The following LIMK2 variants were observed in gnomAD, a reference collection of about 807,000 sequenced individuals.
The protein encoded by LIMK2 is LIM domain kinase 2.
A neutral mutation model predicts 75.7 loss-of-function variants in LIMK2; 35 were observed. The ratio of observed to expected loss-of-function variants is 0.46; its 90% confidence interval spans 0.35 to 0.61. The LOEUF (loss-of-function observed/expected upper bound fraction) is 0.61, where lower values mean the gene tolerates loss of function less well. LIMK2 is among the 20% of genes least tolerant of loss of function. LIMK2 has a pLI of 0.00. For missense variants in LIMK2, 623 were observed against 831.0 expected (o/e 0.75, Z 3.08); for synonymous variants, 301 against 319.2 (o/e 0.94, Z 0.61).
intron 1 of LIMK2, among the ~76,000 whole-genome samples, chr22:31,221,009 C>G (rs919904973): frequency 6.6e-6 from 1 of 151,858 alleles, no homozygotes; most frequent in African/African-American, 2.4e-5. Flanking sequence ...GATAGAGAAG[C>G]TTATACATAG....
At position 31,258,434 on chromosome 22, in the gene LIMK2, A is replaced by G. The variant is rs1290892967; in HGVS notation, c.252+8A>G. 6.2e-6 allele frequency: 10 copies of G among 1,613,928 alleles called. No individual in the cohort carries two copies. Among genetic ancestry groups the G allele is most frequent in the Non-Finnish European group, 8.5e-6 (10 of 1,179,888 alleles). Reference sequence around the variant, plus strand: ...ATGACAGGGCCTTTTATGGTGAGTGAATCCCTTCATATCTGCCCCTCTTGG... The same window carrying G: ...ATGACAGGGCCTTTTATGGTGAGTGGATCCCTTCATATCTGCCCCTCTTGG... On this transcript the variant is annotated splice_region_variant and intron_variant, in intron 3 of 15. Transcript: ENST00000331728.
At chr22:31,224,077 A>T (rs754600272) in intron 1 of LIMK2, among the ~76,000 whole-genome samples, 1 of 152,132 alleles carries the variant, frequency 6.6e-6, no homozygotes, top group Non-Finnish European at 1.5e-5. Context: ...AGAGAGAACA[A>T]AGCTGCATAC....
chr22:31,263,280 A>C (rs2048859433), intron 7 of LIMK2, among the ~76,000 whole-genome samples: 1 of 152,216 alleles, frequency 6.6e-6, no homozygotes, highest in African/African-American at 2.4e-5. Context: ...AGCCCCAAGT[A>C]GGGAGACTTA....
rs2048525096 is a variant in LIMK2 at position 31,231,186 on chromosome 22, G to A, written c.116+5367G>A. On this transcript the variant is annotated intron_variant, in intron 2 of 15. Coordinates refer to ENST00000331728, the MANE Select transcript of LIMK2 (RefSeq NM_005569.4). ...TCAGTTTCCTCTTATATAATATGGG[G>A]TAAAGAGCCCTCACCCTGCCTGCCA... Among the ~76,000 whole-genome samples, 4 of 152,154 alleles carry A rather than the reference G, an allele frequency of 2.6e-5. No homozygotes were observed. In the South Asian group the frequency reaches 8.3e-4, roughly 31 times the overall value.
rs746806038 is a variant in LIMK2, at chr22:31,260,076, G to C, written c.550G>C (p.Glu184Gln). 1 of 1,567,676 alleles carries C rather than the reference G, an allele frequency of 6.4e-7. No homozygotes were observed. Among genetic ancestry groups the C allele is most frequent in the South Asian group, 1.2e-5 (1 of 85,562 alleles). Residue 184 changes from glutamate (E) to glutamine (Q), a missense_variant and splice_region_variant, in exon 5 of 16, where the codon GAG becomes CAG. Transcript: ENST00000331728. ...CTACGCCACCACTGTGCAAGTGAAAGAGTAAGTATTTTGAGAACCCTTCAG... is the reference window on the plus strand; with the variant it reads ...CTACGCCACCACTGTGCAAGTGAAACAGTAAGTATTTTGAGAACCCTTCAG... ...SNYATTVQVK[E>Q]VNRMHISPNN...
At chr22:31,272,778 A>G (rs1346458276) in intron 13 of LIMK2, 74 bp downstream of exon 13, 5 of 1,500,438 alleles carry the variant, frequency 3.3e-6, no homozygotes, top group Non-Finnish European at 4.5e-6. Flanking sequence ...AGCCCTGGGA[A>G]TTCCAGGGGA....
Position 31,240,396 on chromosome 22 carries a change from T to C in LIMK2, c.116+14577T>C, listed in dbSNP as rs182504784. On this transcript the variant is annotated intron_variant, in intron 2 of 15. Transcript: ENST00000331728. ...TTTGTTTTAGTTCCAGAGATAGCAC[T>C]TTCATGGAATGACGCTATCTTCTAG... is the stretch of plus-strand genomic sequence containing the variant. Among the ~76,000 whole-genome samples, 20 of 152,216 alleles carry C rather than the reference T, an allele frequency of 1.3e-4. No individual in the cohort carries two copies. In the East Asian group the frequency reaches 3.7e-3, roughly 28 times the overall value.
intron 2 of LIMK2, among the ~76,000 whole-genome samples, chr22:31,241,641 A>C (rs1465854666): frequency 6.6e-6 from 1 of 152,170 alleles, no homozygotes; most frequent in Non-Finnish European, 1.5e-5. Context: ...TCACCAGATC[A>C]AACTACGTGA....
intron 7 of LIMK2, among the ~76,000 whole-genome samples, chr22:31,265,741 A>C (rs1481717892): frequency 6.6e-6 from 1 of 152,126 alleles, no homozygotes; most frequent in African/African-American, 2.4e-5. Context: ...CCCATTTTGA[A>C]TGTGTTTTTA....
At chr22:31,276,699 A>T (rs1486802310) in intron 15 of LIMK2, 1 of 1,224,778 alleles carries the variant, frequency 8.2e-7, no homozygotes. Flanking sequence ...CGTGGCGGAC[A>T]GCGGCACCGC....
chr22:31,259,031 G>A (rs2048811875), intron 3 of LIMK2, 90 bp from the exon 4 acceptor site: 1 of 728,698 alleles, frequency 1.4e-6, no homozygotes, highest in South Asian at 1.6e-5. Flanking sequence ...TTGCTTGGAG[G>A]TCATTCACCC....
chr22:31,262,122 T>C lies in LIMK2; in HGVS notation c.552-12T>C. 6.2e-7 allele frequency: 1 copy of C among 1,610,364 alleles called. No individual in the cohort carries two copies. The highest frequency in any genetic ancestry group is 8.5e-7 in the Non-Finnish European group (1 of 1,176,604). On this transcript the variant is annotated splice_polypyrimidine_tract_variant and intron_variant, in intron 5 of 15. Transcript: ENST00000331728. The surrounding 1 kb of genome is among the most constrained non-coding windows in gnomAD (Gnocchi z 5.0). Reference sequence around the variant, plus strand: ...GACATCTTTACCCTGCCTCAACTCTTGTCTGGCCCAGGGTCAACCGGATGC... The same window carrying C: ...GACATCTTTACCCTGCCTCAACTCTCGTCTGGCCCAGGGTCAACCGGATGC...
At chr22:31,224,886 G>A (rs557609701) in intron 1 of LIMK2, among the ~76,000 whole-genome samples, 13 of 152,342 alleles carry the variant, frequency 8.5e-5, no homozygotes, top group African/African-American at 2.2e-4. Flanking sequence ...CAACTGGTAC[G>A]GGTCTGTAGC....
chr22:31,229,651 C>G (rs1012490320), intron 2 of LIMK2, among the ~76,000 whole-genome samples: 1 of 152,172 alleles, frequency 6.6e-6, no homozygotes, highest in Non-Finnish European at 1.5e-5. Context: ...TTTCTTCTCC[C>G]CTTCCCCCAG....
intron 1 of LIMK2, among the ~76,000 whole-genome samples, chr22:31,221,411 T>A (rs1030557234): frequency 3.9e-5 from 6 of 152,046 alleles, no homozygotes; most frequent in African/African-American, 1.5e-4. Flanking sequence ...AGGAATACTT[T>A]GGCCGCCCGC....
intron 2 of LIMK2, among the ~76,000 whole-genome samples, chr22:31,257,266 A>G (rs1213944467): frequency 6.6e-6 from 1 of 151,772 alleles, no homozygotes; most frequent in Non-Finnish European, 1.5e-5. Context: ...TTTTATTTTG[A>G]AAAAAAATTC....
chr22:31,217,478 G>T (rs907481276), intron 1 of LIMK2, among the ~76,000 whole-genome samples: 3 of 152,088 alleles, frequency 2.0e-5, no homozygotes, highest in Admixed American at 1.3e-4. Context: ...GAGTATTTCA[G>T]TTTCCTCTTC....
chr22:31,258,499 C>T lies in LIMK2; in HGVS notation c.252+73C>T, dbSNP rs577224131. 395 of 1,494,650 alleles carry T rather than the reference C, an allele frequency of 2.6e-4. 2 individuals carry two copies. In the South Asian group the frequency reaches 4.0e-3, roughly 15 times the overall value. The allele number at this position is 1,494,650 out of a possible 1,614,324, so 92.6% of individuals were successfully genotyped here. A position where few individuals can be genotyped will look rare whatever the true frequency, so the allele number is the denominator to read the frequency against. ...TGACAGTGCTTCCAGTTCCCTGTGGCCTGTTAATCTTTTAGTCTTTCCATC... is the reference window on the plus strand; with the variant it reads ...TGACAGTGCTTCCAGTTCCCTGTGGTCTGTTAATCTTTTAGTCTTTCCATC... On this transcript the variant is annotated intron_variant, in intron 3 of 15. Coordinates refer to ENST00000331728, the MANE Select transcript of LIMK2 (RefSeq NM_005569.4).
rs116294833 is a variant in LIMK2 at position 31,259,903 on chromosome 22, A to G, written c.377A>G (p.Asn126Ser). Reference protein sequence around the residue: ...HATLYCGKCHNEVVLAPMFER... With the variant: ...HATLYCGKCHSEVVLAPMFER... ...CCTCTCCCCAGTGGGAAGTGCCACA[A>G]TGAGGTGGTGCTGGCACCCATGTTT... Residue 126 changes from asparagine to serine, a missense_variant, in exon 5 of 16, where the codon AAT becomes AGT. Around this residue, in one of 3 missense-constraint regions of LIMK2, gnomAD observed 514 missense variants for 661.3 expected, o/e 0.78. Transcript: ENST00000331728. The G allele has an allele frequency of 8.7e-6, 14 of 1,606,814 alleles. No individual in the cohort carries two copies. The highest frequency in any genetic ancestry group is 3.4e-4 in the Middle Eastern group (2 of 5,902).
Sources: allele counts gnomAD v4.1 joint callset (sites outside exome capture counted in the v4.1 genomes callset), GRCh38; gene constraint gnomAD v4.1.1; regional missense constraint gnomAD v4.1.1; non-coding constraint Gnocchi (gnomAD v3.1); transcripts MANE v1.5; gene names NCBI Gene and HGNC (gene_info 2026-07-23, HGNC 2026-07-21).